ATRN: variants seen among roughly 807,000 people sequenced by gnomAD.
ATRN encodes attractin-2.
In ATRN, 54 loss-of-function variants were observed where a neutral mutation model predicts 178.7. The observed-to-expected ratio is 0.30, with a 90% CI of 0.24 to 0.38. ATRN has a LOEUF of 0.38. Ranked by LOEUF, ATRN falls within the 10% of genes least tolerant of loss-of-function variation. The pLI, the probability that ATRN is intolerant of heterozygous loss-of-function variation, is 1.00. For missense variants in ATRN, 1,443 were observed against 1,815.1 expected, an observed-to-expected ratio of 0.79 and a Z score of 3.73; for synonymous variants, 636 against 663.0, an observed-to-expected ratio of 0.96 and a Z score of 0.63.
chr20:3,473,193 T>C (rs894850444), intron 1 of ATRN, among the ~76,000 whole-genome samples: 1 of 152,178 alleles, frequency 6.6e-6, no homozygotes, highest in Non-Finnish European at 1.5e-5. Context: ...CATTTCAGCT[T>C]GGGAGTAAAA....
chr20:3,512,310 A>C (rs539374179), intron 1 of ATRN, among the ~76,000 whole-genome samples: 8 of 124,420 alleles, frequency 6.4e-5, no homozygotes, highest in Admixed American at 1.1e-4. Flanking sequence ...TCCTGTGTCC[A>C]GGTGTTCTCA....
At chr20:3,524,423 T>C (rs1301547151) in intron 1 of ATRN, among the ~76,000 whole-genome samples, 1 of 152,134 alleles carries the variant, frequency 6.6e-6, no homozygotes, top group Non-Finnish European at 1.5e-5. Flanking sequence ...AGCAAGTCTT[T>C]AGAGACCTAC....
intron 1 of ATRN, among the ~76,000 whole-genome samples, chr20:3,533,200 T>G (rs770015866): frequency 6.6e-6 from 1 of 152,190 alleles, no homozygotes; most frequent in Non-Finnish European, 1.5e-5. Context: ...GAAGAGGAGA[T>G]CTAGGTGGCA....
chr20:3,511,735 A>T (rs1600056875), intron 1 of ATRN, among the ~76,000 whole-genome samples: 1 of 152,304 alleles, frequency 6.6e-6, no homozygotes, highest in East Asian at 1.9e-4. Flanking sequence ...ACAACGAAGA[A>T]AGACATGTTT....
At chr20:3,629,912 T>C (rs190783334) in intron 25 of ATRN, among the ~76,000 whole-genome samples, 107 of 151,022 alleles carry the variant, frequency 7.1e-4, no homozygotes, top group African/African-American at 2.5e-3. Context: ...TTCACTATCC[T>C]GGAAGCTCCC....
chr20:3,547,470 C>T lies in ATRN; in HGVS notation c.924C>T (p.Ser308=), dbSNP rs750330928. 7.4e-6 allele frequency: 12 copies of T among 1,613,720 alleles called. No homozygotes were observed. The highest frequency in any genetic ancestry group is 2.7e-5 in the African/African-American group (2 of 74,912). ...ATTCAAGTGATGTCAGAGGATGCTC[C>T]TGCTTCTCAGACTGGCAGGGTAGGA... The part of the protein sequence containing the change: ...ICNSSDVRGC[S]CFSDWQGPGC... The change falls in exon 5 of 29, where the codon TCC becomes TCT. Residue 308 remains serine, a synonymous_variant. Transcript: ENST00000262919.
intron 25 of ATRN, among the ~76,000 whole-genome samples, chr20:3,630,620 A>T (rs1054458637): frequency 6.6e-6 from 1 of 152,156 alleles, no homozygotes; most frequent in Non-Finnish European, 1.5e-5. Context: ...AGGACCGGCC[A>T]CTTCTACTGG....
intron 2 of ATRN, among the ~76,000 whole-genome samples, chr20:3,539,483 CAGAA>C (rs1443393586): frequency 1.5e-5 from 2 of 130,434 alleles, no homozygotes; most frequent in African/African-American, 5.9e-5. Flanking sequence ...GAAAGAGAAA[CAGAA>C]AGAGAATTTT....
At chr20:3,602,721 T>G (rs1344751139) in intron 23 of ATRN, among the ~76,000 whole-genome samples, 1 of 152,000 alleles carries the variant, frequency 6.6e-6, no homozygotes, top group African/African-American at 2.4e-5. Flanking sequence ...CCTAGCACTT[T>G]GGGAGGCTGG....
At chr20:3,542,929 G>A (rs1373622116) in intron 3 of ATRN, among the ~76,000 whole-genome samples, 1 of 151,364 alleles carries the variant, frequency 6.6e-6, no homozygotes, top group Non-Finnish European at 1.5e-5. Context: ...GTGAGCCACT[G>A]CACCCGGCCG....
intron 24 of ATRN, among the ~76,000 whole-genome samples, chr20:3,617,040 A>G (rs1017021270): frequency 1.3e-5 from 2 of 152,222 alleles, no homozygotes; most frequent in African/African-American, 2.4e-5. Context: ...AGTTGTTAGT[A>G]TAAGGGCTTT....
chr20:3,513,156 C>T (rs1432984215), intron 1 of ATRN, among the ~76,000 whole-genome samples: 17 of 152,158 alleles, frequency 1.1e-4, no homozygotes, highest in African/African-American at 3.6e-4. Context: ...CCATTGCTTT[C>T]GGTGTTTTAG....
intron 14 of ATRN, among the ~76,000 whole-genome samples, chr20:3,577,925 G>T (rs545107714): frequency 6.6e-6 from 1 of 152,258 alleles, no homozygotes; most frequent in African/African-American, 2.4e-5. Context: ...AAGTACTTTG[G>T]TTCTGGTGAA....
intron 25 of ATRN, among the ~76,000 whole-genome samples, chr20:3,631,433 G>A (rs1003948970): frequency 1.3e-5 from 2 of 151,956 alleles, no homozygotes; most frequent in East Asian, 1.9e-4. Context: ...TCCAGACTCC[G>A]GGCACAGAAA....
chr20:3,554,544 C>T (rs929420646), intron 6 of ATRN, among the ~76,000 whole-genome samples: 3 of 151,910 alleles, frequency 2.0e-5, no homozygotes, highest in African/African-American at 7.3e-5. Context: ...CCATGTTAGC[C>T]AGGATGGTCT....
At chr20:3,576,424 C>T (rs1393279581) in intron 13 of ATRN, among the ~76,000 whole-genome samples, 1 of 151,860 alleles carries the variant, frequency 6.6e-6, no homozygotes, top group Admixed American at 6.6e-5. Context: ...ATGACCCAGG[C>T]TTTTATAGTT....
At chr20:3,629,304 G>T in intron 25 of ATRN, 1 of 985,120 alleles carries the variant, frequency 1.0e-6, no homozygotes, top group Non-Finnish European at 1.2e-6. Context: ...GTGAACTGGC[G>T]TCCGCTTTTC....
intron 10 of ATRN, among the ~76,000 whole-genome samples, chr20:3,564,339 G>A (rs895628549): frequency 1.3e-5 from 2 of 152,170 alleles, no homozygotes; most frequent in African/African-American, 4.8e-5. Context: ...TCTTAAGGAG[G>A]GGCCATCCTC....
At chr20:3,592,095 A>G (rs2086453889) in intron 19 of ATRN, among the ~76,000 whole-genome samples, 1 of 152,158 alleles carries the variant, frequency 6.6e-6, no homozygotes, top group African/African-American at 2.4e-5. Context: ...AGTGTATTTT[A>G]AAGGTTTAAA....
Sources: allele counts gnomAD v4.1 joint callset (sites outside exome capture counted in the v4.1 genomes callset), GRCh38; gene constraint gnomAD v4.1.1; transcripts MANE v1.5; gene names NCBI Gene and HGNC (gene_info 2026-07-23, HGNC 2026-07-21).